The following MAMDC4 variants were observed in gnomAD, a reference collection of about 807,000 sequenced individuals.
MAMDC4 encodes the protein apical endosomal glycoprotein.
In MAMDC4, 168 loss-of-function variants were observed where a neutral mutation model predicts 153.3. That is an observed-to-expected ratio of 1.10 (90% CI 0.97 to 1.25). MAMDC4 has a LOEUF of 1.25. Among genes scored for constraint, MAMDC4 ranks in the 50% most tolerant of loss-of-function variants. MAMDC4 has a pLI of 0.00. For synonymous variants in MAMDC4, 744 were observed against 651.5 expected (o/e 1.14, Z -2.16); for missense variants, 1,701 against 1,542.8 (o/e 1.10, Z -1.72).
chr9:136,853,425 CCTCA>C lies in MAMDC4; in HGVS notation c.300_303del (p.His100GlnfsTer42), dbSNP rs147540747. On this transcript the variant is annotated frameshift_variant, in exon 3 of 27. Transcript: ENST00000317446. LOFTEE classifies it high-confidence loss of function. ...AGGGGCCGCACTGGAGGGTCCTGGG[CCTCA>C]CTCAGACCACACACTGGGCACCGAC... is the stretch of plus-strand genomic sequence containing the variant. 597 of 1,603,230 alleles carry C rather than the reference CCTCA, an allele frequency of 3.7e-4. 3 individuals are homozygous for C. The African/African-American group carries it at 7.2e-3, about 19-fold the overall frequency.
chr9:136,860,170 T>G, intron 26 of MAMDC4, 106 bp downstream of exon 26: 1 of 1,283,916 alleles, frequency 7.8e-7, no homozygotes, highest in Non-Finnish European at 1.1e-6. Context: ...CCCCCACCTG[T>G]GCAAGGCCCA....
intron 7 of MAMDC4, 37 bp downstream of exon 7, chr9:136,854,373 G>A (rs775314109): frequency 5.6e-5 from 85 of 1,508,224 alleles, no homozygotes; most frequent in Non-Finnish European, 6.7e-5. Context: ...GAGGCTGGGA[G>A]ACTGGACGCC....
Position 136,854,760 on chromosome 9 carries a change from A to T in MAMDC4, c.935-2A>T. 1 of 1,612,696 alleles carries T rather than the reference A, an allele frequency of 6.2e-7. No homozygotes were observed. Among genetic ancestry groups the T allele is most frequent in the Non-Finnish European group, 8.5e-7 (1 of 1,179,848 alleles). ...CTGGCCCACTCCCGTCCTTTCCCGC[A>T]GGCTCCTTCCTGGTCTCCGTGGCCG... On this transcript the variant is annotated splice_acceptor_variant, in intron 8 of 26. Coordinates refer to ENST00000317446, the MANE Select transcript of MAMDC4 (RefSeq NM_206920.3). LOFTEE classifies it high-confidence loss of function.
rs560847865 is a variant in MAMDC4 at position 136,852,459 on chromosome 9, C to T, written c.43C>T (p.Leu15=). Residue 15 remains leucine, a synonymous_variant, in exon 1 of 27, where the codon CTG becomes TTG. Transcript: ENST00000317446. ...SHLLPALVLF[L]AGSSGWAWVP... The stretch of plus-strand genomic sequence containing the variant: ...CCTGCTGCCCGCCTTGGTCCTGTTC[C>T]TGGGTAAGTAGTCTGGTCCCACTCC... 188 of 1,610,148 alleles carry T rather than the reference C, an allele frequency of 1.2e-4. 2 individuals carry two copies. The East Asian group carries it at 4.1e-3, about 35-fold the overall frequency.
rs753649112 is a variant in MAMDC4 at position 136,853,515 on chromosome 9, C to T, written c.329-30C>T. The T allele has an allele frequency of 3.1e-6, 5 of 1,612,266 alleles. No individual in the cohort carries two copies. The African/African-American group carries it at 4.0e-5, about 13-fold the overall frequency. ...GTCCCAATACCCTCCTTGCTCCCTG[C>T]CCCGTCTCCTGACCTCTCACCTGCG... On this transcript the variant is annotated intron_variant, in intron 3 of 26. Transcript: ENST00000317446.
chr9:136,857,218 C>T lies in MAMDC4; in HGVS notation c.2026C>T (p.Arg676Trp), dbSNP rs371834530. 36 of 1,611,180 alleles carry T rather than the reference C, an allele frequency of 2.2e-5. No homozygotes were observed. Among genetic ancestry groups the T allele is most frequent in the African/African-American group, 1.6e-4 (12 of 74,916 alleles). Residue 676 changes from arginine (R) to tryptophan (W), a missense_variant, in exon 17 of 27, where the codon CGG becomes TGG. By Grantham distance (101) the Arg-to-Trp change is moderately radical (BLOSUM62 -3). Coordinates refer to ENST00000317446, the MANE Select transcript of MAMDC4 (RefSeq NM_206920.3). ...AGGGGAGGAGACACACCTGTGGTCGCGGTCAGGCACCCAGGGCAACCGCTG... is the reference window on the plus strand; with the variant it reads ...AGGGGAGGAGACACACCTGTGGTCGTGGTCAGGCACCCAGGGCAACCGCTG... ...REGEETHLWS[R>W]SGTQGNRWHE...
chr9:136,854,297 A>AC lies in MAMDC4; in HGVS notation c.757_758insC (p.Asn253ThrfsTer7). Reference sequence around the variant, plus strand: ...CCAGCAGCTGTGCGACGGGGAAGACAACTGCGGGGACCTGTCTGATGAGAA... The same window carrying AC: ...CCAGCAGCTGTGCGACGGGGAAGACACACTGCGGGGACCTGTCTGATGAGAA... On this transcript the variant is annotated frameshift_variant, in exon 7 of 27. Coordinates refer to ENST00000317446, the MANE Select transcript of MAMDC4 (RefSeq NM_206920.3). LOFTEE classifies it high-confidence loss of function. 1 of 1,600,122 alleles carries AC rather than the reference A, an allele frequency of 6.2e-7. No individual in the cohort carries two copies. Among genetic ancestry groups the AC allele is most frequent in the Non-Finnish European group, 8.5e-7 (1 of 1,174,008 alleles).
chr9:136,856,467 G>C, intron 14 of MAMDC4: 3 of 783,500 alleles, frequency 3.8e-6, no homozygotes, highest in Non-Finnish European at 4.7e-6. Flanking sequence ...CATGAAGCTG[G>C]AGTTTGTCGG....
At position 136,858,947 on chromosome 9, in the gene MAMDC4, G is replaced by C. The variant is rs1588395015; in HGVS notation, c.2957-58G>C. 5 of 1,523,836 alleles carry C rather than the reference G, an allele frequency of 3.3e-6. No individual in the cohort carries two copies. In the East Asian group the frequency reaches 1.2e-4, roughly 36 times the overall value. 94.4% of individuals were successfully genotyped at this position (1,523,836 alleles called of 1,614,324 possible). On this transcript the variant is annotated intron_variant, in intron 23 of 26. Transcript: ENST00000317446. Reference sequence around the variant, plus strand: ...AGGTGGCCTCCCCAGCCCGCCCCTGGTTAGGCGTGCAGGAGCCCCAGGACC... The same window carrying C: ...AGGTGGCCTCCCCAGCCCGCCCCTGCTTAGGCGTGCAGGAGCCCCAGGACC...
rs770329337 is a variant in MAMDC4, at chr9:136,855,518, G to C, written c.1370G>C (p.Cys457Ser). 2 of 1,592,986 alleles carry C rather than the reference G, an allele frequency of 1.3e-6. No homozygotes were observed. Among genetic ancestry groups the C allele is most frequent in the Non-Finnish European group, 1.7e-6 (2 of 1,170,070 alleles). The change falls in exon 12 of 27, where the codon TGC (cysteine) becomes TCC (serine). Residue 457 changes from cysteine to serine, a missense_variant. Physicochemically the swap from Cys to Ser is moderately radical, Grantham distance 112. Transcript: ENST00000317446. ...LPPSSRLQDS[C>S]KQGHLACGDL... Reference sequence around the variant, plus strand: ...CCCAGCTCGCGGCTCCAGGATTCCTGCAAGCAGGGGCATCTTGCCTGCGGG... The same window carrying C: ...CCCAGCTCGCGGCTCCAGGATTCCTCCAAGCAGGGGCATCTTGCCTGCGGG...
In MAMDC4 at chr9:136,855,633, A is replaced by G; in HGVS notation, c.1471+14A>G. On this transcript the variant is annotated intron_variant, in intron 12 of 26. Transcript: ENST00000317446. Reference sequence around the variant, plus strand: ...AGCAGGCCTGTGGTAAAGGGGCTCAACCTCCTGCAGACCTCCTGCTGCGGA... The same window carrying G: ...AGCAGGCCTGTGGTAAAGGGGCTCAGCCTCCTGCAGACCTCCTGCTGCGGA... 6.4e-7 allele frequency: 1 copy of G among 1,568,728 alleles called. No homozygotes were observed. Among genetic ancestry groups the G allele is most frequent in the Non-Finnish European group, 8.7e-7 (1 of 1,155,818 alleles).
At chr9:136,853,239 C>A (rs117475600) in intron 2 of MAMDC4, 30 bp downstream of exon 2, 16,304 of 1,612,194 alleles carry the variant, frequency 0.01, 106 homozygotes, top group Middle Eastern at 0.014. Context: ...GCGGGCAGGG[C>A]CAGTGCGAGC....
intron 9 of MAMDC4, 39 bp from the exon 10 acceptor site, chr9:136,854,898 G>C: frequency 1.2e-6 from 2 of 1,612,536 alleles, no homozygotes; most frequent in Non-Finnish European, 1.7e-6. Context: ...CGTGCTGGCT[G>C]CCCCGGTGCA....
In MAMDC4 at chr9:136,854,668, G is replaced by A. The variant is rs762305620; in HGVS notation, c.926G>A (p.Ser309Asn). ...CCACGCCGTGACCACAGCCGGAACAGTGCACAGGGTGAGGCCCACAGAGGA... is the reference window on the plus strand; with the variant it reads ...CCACGCCGTGACCACAGCCGGAACAATGCACAGGGTGAGGCCCACAGAGGA... ...SWPRRDHSRNSAQGSFLVSVA... is the reference protein window; with the variant it reads ...SWPRRDHSRNNAQGSFLVSVA... Residue 309 changes from serine to asparagine, a missense_variant, in exon 8 of 27, where the codon AGT (serine) becomes AAT (asparagine). Physicochemically the swap from Ser to Asn is conservative, Grantham distance 46. Transcript: ENST00000317446. The A allele has an allele frequency of 5.6e-6, 9 of 1,610,808 alleles. No individual in the cohort carries two copies. The highest frequency in any genetic ancestry group is 7.6e-6 in the Non-Finnish European group (9 of 1,179,218).
rs1849060423 is a variant in MAMDC4 at position 136,859,868 on chromosome 9, T to A, written c.3194-18T>A. 1.2e-6 allele frequency: 2 copies of A among 1,610,750 alleles called. No homozygotes were observed. Among genetic ancestry groups the A allele is most frequent in the Non-Finnish European group, 8.5e-7 (1 of 1,179,694 alleles). On this transcript the variant is annotated intron_variant, in intron 25 of 26. Coordinates refer to ENST00000317446, the MANE Select transcript of MAMDC4 (RefSeq NM_206920.3). ...TGGGGGCTGCTTTGGAGGGCTCACA[T>A]GTCCCTATGGCCCACAGGGAACACA...
At position 136,852,428 on chromosome 9, in the gene MAMDC4, C is replaced by CAG; in HGVS notation, c.13_14dup (p.Ser5ArgfsTer139). The CAG allele has an allele frequency of 6.2e-7, 1 of 1,610,306 alleles. No homozygotes were observed. Among genetic ancestry groups the CAG allele is most frequent in the Non-Finnish European group, 8.5e-7 (1 of 1,179,954 alleles). On this transcript the variant is annotated frameshift_variant, in exon 1 of 27. Coordinates refer to ENST00000317446, the MANE Select transcript of MAMDC4 (RefSeq NM_206920.3). LOFTEE classifies it high-confidence loss of function. The stretch of plus-strand genomic sequence containing the variant: ...CCTCTGGCCCAACCATGCCTCTGTC[C>CAG]AGCCACCTGCTGCCCGCCTTGGTCC...
At chr9:136,852,806 C>T (rs768145174) in intron 1 of MAMDC4, among the ~76,000 whole-genome samples, 4 of 152,198 alleles carry the variant, frequency 2.6e-5, no homozygotes, top group South Asian at 2.1e-4. Context: ...TGGGGGTCGC[C>T]CTCCCAGTGC....
intron 13 of MAMDC4, 27 bp downstream of exon 13, chr9:136,855,875 C>T (rs1848997306): frequency 1.4e-6 from 2 of 1,477,612 alleles, no homozygotes; most frequent in Admixed American, 2.4e-5. Context: ...AAGGCTCAAG[C>T]CCCCGCCCGG....
Position 136,854,349 on chromosome 9 carries a change from T to C in MAMDC4, c.796+13T>C, listed in dbSNP as rs777142266. ...CCACTCACCTGTGGTGAGGCCGGAG[T>C]GGGGGCCCAGAGTGAGGCTGGGAGA... On this transcript the variant is annotated intron_variant, in intron 7 of 26. Transcript: ENST00000317446. 23 of 1,537,488 alleles carry C rather than the reference T, an allele frequency of 1.5e-5. No homozygotes were observed. In the South Asian group the frequency reaches 2.0e-4, roughly 13 times the overall value.
Sources: gnomAD v4.1 joint callset for allele counts (sites outside exome capture counted in the v4.1 genomes callset) on GRCh38, gnomAD v4.1.1 for gene constraint, MANE v1.5 for transcripts, NCBI Gene and HGNC (gene_info 2026-07-23, HGNC 2026-07-21) for gene names.